The following TTC3 variants were observed in gnomAD, a reference collection of about 807,000 sequenced individuals.
TTC3 encodes the protein E3 ubiquitin-protein ligase TTC3.
Under a neutral mutation model 249.6 loss-of-function variants are expected in TTC3, and 180 were observed. The ratio of observed to expected loss-of-function variants is 0.72; its 90% CI spans 0.64 to 0.82. TTC3 has a LOEUF of 0.82. Ranked by LOEUF, TTC3 falls within the 40% of genes least tolerant of loss-of-function variation. The pLI is 0.00. For synonymous variants in TTC3, 717 were observed against 805.0 expected (o/e 0.89, Z 1.85); for missense variants, 2,061 against 2,398.4 (o/e 0.86, Z 2.94).
intron 34 of TTC3, among the ~76,000 whole-genome samples, chr21:37,168,727 CA>C (rs5843804): frequency 1 from 152,262 of 152,264 alleles, 76,130 homozygotes; most frequent in Non-Finnish European, 1. Flanking sequence ...CAAACAACCT[CA>C]AAAGCTAGTG....
intron 2 of TTC3, 30 bp downstream of exon 2, chr21:37,087,431 G>C: frequency 2.5e-6 from 4 of 1,611,804 alleles, no homozygotes; most frequent in Non-Finnish European, 3.4e-6. Flanking sequence ...TTTCATTTTT[G>C]ACATTGTGTA....
chr21:37,129,008 C>A, exon 16 of TTC3: 1 of 1,590,378 alleles, frequency 6.3e-7, no homozygotes, highest in South Asian at 1.2e-5. Context: ...CACAGGTCAG[C>A]CTCCAAAACA....
chr21:37,144,433 G>T (rs757120271), intron 20 of TTC3, 92 bp from the exon 21 acceptor site: 2 of 1,408,714 alleles, frequency 1.4e-6, no homozygotes, highest in Non-Finnish European at 1.9e-6. Context: ...AAATGTATTC[G>T]TCCCAGTAAG....
chr21:37,121,912 C>A, exon 12 of TTC3: 1 of 1,612,984 alleles, frequency 6.2e-7, no homozygotes, highest in South Asian at 1.1e-5. Context: ...GTAAAAATGA[C>A]CCTGAGGGAA....
chr21:37,184,807 A>C (rs1356441837), intron 36 of TTC3, among the ~76,000 whole-genome samples: 1 of 152,008 alleles, frequency 6.6e-6, no homozygotes, highest in African/African-American at 2.4e-5. Flanking sequence ...TTAAAGCTCA[A>C]TTTTTCTATT....
chr21:37,110,743 C>T (rs976677558), intron 11 of TTC3, among the ~76,000 whole-genome samples: 1 of 152,088 alleles, frequency 6.6e-6, no homozygotes, highest in Admixed American at 6.5e-5. Context: ...AACTCCAAGA[C>T]ACATAATTGT....
At chr21:37,122,669 C>T (rs1358080693) in intron 12 of TTC3, among the ~76,000 whole-genome samples, 2 of 151,850 alleles carry the variant, frequency 1.3e-5, no homozygotes, top group African/African-American at 4.8e-5. Context: ...ATGTTGTTAT[C>T]CATCATAACA....
At chr21:37,165,776 A>G in exon 33 of TTC3, 3 of 1,613,856 alleles carry the variant, frequency 1.9e-6, no homozygotes, top group Non-Finnish European at 2.5e-6. Context: ...GAAAAACATT[A>G]AAACAAAAGT....
intron 41 of TTC3, among the ~76,000 whole-genome samples, chr21:37,192,507 G>GTGTGTGTGTGTGTA (rs2084289869): frequency 6.6e-6 from 1 of 151,644 alleles, no homozygotes; most frequent in Admixed American, 6.6e-5. Flanking sequence ...GTGTGTGTGT[G>GTGTGTGTGTGTGTA]TGTGTGTGTG....
chr21:37,164,065 A>G (rs772445781), exon 32 of TTC3: 37 of 1,601,658 alleles, frequency 2.3e-5, no homozygotes, highest in Admixed American at 2.3e-4. Flanking sequence ...CGAAATTCAG[A>G]TTCTGCAGGC....
intron 10 of TTC3, among the ~76,000 whole-genome samples, chr21:37,101,822 T>C (rs952822063): frequency 2.6e-5 from 4 of 151,680 alleles, no homozygotes; most frequent in Admixed American, 6.6e-5. Context: ...TTTGGATCTG[T>C]ATATAGAGAC....
chr21:37,194,518 G>A (rs1468079792), intron 41 of TTC3: 1 of 152,088 alleles, frequency 6.6e-6, no homozygotes, highest in East Asian at 1.9e-4. Context: ...CAAAGCATGG[G>A]AGTAATGATG....
At position 37,146,077 on chromosome 21, in the gene TTC3, T is replaced by C. The variant is rs534456000; in HGVS notation, c.1894-1404T>C. ...ACAAAAACTTGTACATGAATGTTCATAGCAGCATTAGTCATAATAGCCCAA... is the reference window on the plus strand; with the variant it reads ...ACAAAAACTTGTACATGAATGTTCACAGCAGCATTAGTCATAATAGCCCAA... On this transcript the variant is annotated intron_variant, in intron 21 of 45. Coordinates refer to ENST00000355666, the Ensembl canonical transcript of TTC3. 2.0e-5 allele frequency among the ~76,000 whole-genome samples: 3 copies of C among 152,366 alleles called. No homozygotes were observed. The South Asian group carries it at 6.2e-4, about 32-fold the overall frequency.
intron 11 of TTC3, among the ~76,000 whole-genome samples, chr21:37,109,762 C>T (rs2075464087): frequency 6.6e-6 from 1 of 152,244 alleles, no homozygotes; most frequent in Admixed American, 6.5e-5. Flanking sequence ...CAGATTGCCT[C>T]CTCAAGTGGG....
intron 7 of TTC3, 90 bp downstream of exon 7, chr21:37,091,503 T>C: frequency 8.6e-7 from 1 of 1,169,280 alleles, no homozygotes. Context: ...TTCTGATTTA[T>C]CTTAGAATTT....
At chr21:37,165,767 A>C in exon 33 of TTC3, 2 of 1,613,668 alleles carry the variant, frequency 1.2e-6, no homozygotes, top group Non-Finnish European at 1.7e-6. Context: ...AAGGAAGAAG[A>C]AAAACATTAA....
chr21:37,124,507 T>TAAA, intron 13 of TTC3, 112 bp from the exon 14 acceptor site: 1 of 1,187,102 alleles, frequency 8.4e-7, no homozygotes, highest in South Asian at 1.4e-5. Context: ...GAAATCTTTT[T>TAAA]AAAACAATAA....
intron 2 of TTC3, 76 bp from the exon 3 acceptor site, chr21:37,087,757 T>G (rs1353876414): frequency 8.6e-7 from 1 of 1,167,258 alleles, no homozygotes; most frequent in African/African-American, 1.6e-5. Context: ...GTTCTTTGGT[T>G]AGTTCTGATA....
exon 35 of TTC3, chr21:37,172,636 A>G (rs1230229067): frequency 6.2e-7 from 1 of 1,613,884 alleles, no homozygotes; most frequent in African/African-American, 1.3e-5. Context: ...AAGTATTACA[A>G]GACCAACTTC....
Sources: gnomAD v4.1 joint callset for allele counts (sites outside exome capture counted in the v4.1 genomes callset) on GRCh38, gnomAD v4.1.1 for gene constraint, MANE v1.5 for transcripts, NCBI Gene and HGNC (gene_info 2026-07-23, HGNC 2026-07-21) for gene names.